CATSPERD: variants seen among roughly 807,000 people sequenced by gnomAD.
CATSPERD encodes the protein cation channel sperm-associated auxiliary subunit delta.
In CATSPERD, 86 loss-of-function variants were observed where a neutral mutation model predicts 98.1. That is an observed-to-expected ratio of 0.88 (90% CI 0.74 to 1.05). CATSPERD has a LOEUF of 1.05. CATSPERD is among the 50% of genes least tolerant of loss of function. The pLI, the probability that CATSPERD is intolerant of heterozygous loss-of-function variation, is 0.00. For synonymous variants in CATSPERD, 394 were observed against 390.2 expected, an observed-to-expected ratio of 1.01 and a Z score of -0.12; for missense variants, 995 against 1,005.7, an observed-to-expected ratio of 0.99 and a Z score of 0.14.
rs754682545 is a variant in CATSPERD at position 5,720,999 on chromosome 19, C to CTTTT, written c.71+205_71+208dup. On this transcript the variant is annotated intron_variant, in intron 1 of 21. Transcript: ENST00000381624. ...AGCCCGATATTAAGCTCTCCTACCT[C>CTTTT]TTTTTTTTTTTTTTTTTGAGACGGA... is the stretch of plus-strand genomic sequence containing the variant. 2.2e-5 allele frequency among the ~76,000 whole-genome samples: 3 copies of CTTTT among 138,760 alleles called. 1 individual carries two copies. Among genetic ancestry groups the CTTTT allele is most frequent in the Admixed American group, 7.3e-5 (1 of 13,706 alleles). 91.0% of individuals were successfully genotyped at this position (138,760 alleles called of 152,430 possible).
At chr19:5,766,631 C>A (rs1477320475) in intron 17 of CATSPERD, among the ~76,000 whole-genome samples, 1 of 151,940 alleles carries the variant, frequency 6.6e-6, no homozygotes, top group Non-Finnish European at 1.5e-5. Flanking sequence ...AAATGATTCA[C>A]CCTAATAGGT....
chr19:5,741,799 T>TGGGGGG (rs1421382557), intron 7 of CATSPERD, among the ~76,000 whole-genome samples: 2 of 15,494 alleles, frequency 1.3e-4, no homozygotes, highest in South Asian at 2.8e-3. Flanking sequence ...GGGGGGGGGG[T>TGGGGGG]GGTGTGGATC....
At chr19:5,724,183 C>T (rs1184689111) in intron 1 of CATSPERD, among the ~76,000 whole-genome samples, 1 of 151,950 alleles carries the variant, frequency 6.6e-6, no homozygotes, top group Non-Finnish European at 1.5e-5. Context: ...ACCTTGACCT[C>T]CCAAAGCGCT....
intron 20 of CATSPERD, among the ~76,000 whole-genome samples, chr19:5,775,593 A>G (rs1273907699): frequency 1.3e-5 from 2 of 149,480 alleles, no homozygotes; most frequent in Admixed American, 6.7e-5. Context: ...AGCTTGCAGT[A>G]AGCCGAGATC....
intron 21 of CATSPERD, among the ~76,000 whole-genome samples, chr19:5,776,546 C>G (rs923852832): frequency 1.3e-5 from 2 of 152,216 alleles, no homozygotes; most frequent in Admixed American, 1.3e-4. Flanking sequence ...TGACCAGAGG[C>G]TGTGCCGCTG....
chr19:5,766,127 G>T lies in CATSPERD; in HGVS notation c.1531G>T (p.Asp511Tyr). Residue 511 changes from aspartate to tyrosine, a missense_variant, in exon 17 of 22, where the codon GAC becomes TAC. Around this residue, in one of 3 missense-constraint regions of CATSPERD, gnomAD observed 762 missense variants for 773.7 expected, o/e 0.98. Transcript: ENST00000381624. ...PLSTLISVGC[D>Y]LDKKIVIQNK... ...GTCGACACTGATTTCAGTTGGCTGC[G>T]ACCTGGATAAAAAGATCGTCATCCA... 5 of 1,612,942 alleles carry T rather than the reference G, an allele frequency of 3.1e-6. No individual in the cohort carries two copies. The highest frequency in any genetic ancestry group is 4.2e-6 in the Non-Finnish European group (5 of 1,179,518).
chr19:5,724,946 G>T, intron 2 of CATSPERD, 84 bp downstream of exon 2: 1 of 1,271,468 alleles, frequency 7.9e-7, no homozygotes, highest in Non-Finnish European at 1.2e-6. Flanking sequence ...TTTCTTGGGT[G>T]CCCGTGTTGT....
intron 10 of CATSPERD, 115 bp downstream of exon 10, chr19:5,748,370 C>G: frequency 1.1e-6 from 1 of 937,780 alleles, no homozygotes; most frequent in South Asian, 1.3e-5. Flanking sequence ...GTGGCTCATG[C>G]CTGTAATTCC....
At position 5,757,084 on chromosome 19, in the gene CATSPERD, T is replaced by G. The variant is rs142024261; in HGVS notation, c.1279-759T>G. Among the ~76,000 whole-genome samples the G allele has an allele frequency of 7.2e-3, 1,098 of 152,054 alleles. 18 individuals are homozygous for G. Among genetic ancestry groups the G allele is most frequent in the African/African-American group, 0.025 (1,043 of 41,490 alleles). ...GGCCAATATGGTGAAACCCCATCTC[T>G]GCTAAAAATACAAAAATTAGCTGGG... On this transcript the variant is annotated intron_variant, in intron 13 of 21. Transcript: ENST00000381624.
At chr19:5,746,515 G>A (rs963522924) in intron 9 of CATSPERD, among the ~76,000 whole-genome samples, 5 of 151,856 alleles carry the variant, frequency 3.3e-5, no homozygotes, top group Admixed American at 2.6e-4. Flanking sequence ...TGCAAGCTCC[G>A]CCTCCCGGGT....
At chr19:5,761,767 A>T (rs1270303024) in intron 15 of CATSPERD, among the ~76,000 whole-genome samples, 1 of 150,828 alleles carries the variant, frequency 6.6e-6, no homozygotes. Context: ...CAATGGCACG[A>T]TCTCGGCTCA....
At chr19:5,753,979 T>G (rs539670452) in intron 12 of CATSPERD, among the ~76,000 whole-genome samples, 153 bp from the exon 13 acceptor site, 49 of 152,134 alleles carry the variant, frequency 3.2e-4, no homozygotes, top group Non-Finnish European at 5.6e-4. Context: ...CTCGAGACCC[T>G]TCTGGAAATA....
chr19:5,729,858 A>T lies in CATSPERD; in HGVS notation c.204-14A>T. ...GACATTATCCTAATTTAACTTATTT[A>T]TTGTTTATTTCAGGAAACAAGTTTT... On this transcript the variant is annotated splice_polypyrimidine_tract_variant and intron_variant, in intron 3 of 21. Coordinates refer to ENST00000381624, the MANE Select transcript of CATSPERD (RefSeq NM_152784.4). The T allele has an allele frequency of 6.8e-7, 1 of 1,478,984 alleles. No homozygotes were observed. The highest frequency in any genetic ancestry group is 9.4e-7 in the Non-Finnish European group (1 of 1,065,722). The allele number at this position is 1,478,984 out of a possible 1,614,324, so 91.6% of individuals were successfully genotyped here.
At chr19:5,748,728 C>CTTTTTTTTT (rs527796326) in intron 10 of CATSPERD, among the ~76,000 whole-genome samples, 11 of 94,094 alleles carry the variant, frequency 1.2e-4, no homozygotes, top group East Asian at 6.9e-4. Context: ...TCATATTATT[C>CTTTTTTTTT]TTTTTTTTTT....
intron 20 of CATSPERD, 134 bp from the exon 21 acceptor site, chr19:5,776,027 A>G: frequency 1.1e-6 from 1 of 890,256 alleles, no homozygotes; most frequent in South Asian, 1.7e-5. Flanking sequence ...CACCATGGGC[A>G]CTTGGCCCCA....
rs1371236993 is a variant in CATSPERD, at chr19:5,778,566, T to C, written c.2287T>C (p.Cys763Arg). 15 of 1,613,668 alleles carry C rather than the reference T, an allele frequency of 9.3e-6. No individual in the cohort carries two copies. The highest frequency in any genetic ancestry group is 1.7e-5 in the Admixed American group (1 of 59,968). Residue 763 changes from cysteine to arginine, a missense_variant, in exon 22 of 22, where the codon TGT becomes CGT. Physicochemically the swap from Cys to Arg is radical, Grantham distance 180. Coordinates refer to ENST00000381624, the MANE Select transcript of CATSPERD (RefSeq NM_152784.4). ...GATCAAGAAGTGTGCGACACAGCTGTGTAGGAGATGCAAGACGGTCTGCCA... is the reference window on the plus strand; with the variant it reads ...GATCAAGAAGTGTGCGACACAGCTGCGTAGGAGATGCAAGACGGTCTGCCA... Reference protein sequence around the residue: ...RRIKKCATQLCRRCKTVCQFR... With the variant: ...RRIKKCATQLRRRCKTVCQFR...
Position 5,748,197 on chromosome 19 carries a change from C to A in CATSPERD, c.846C>A (p.Asp282Glu), listed in dbSNP as rs201831364. ...ACACCGTCCGGGTGAAAAAAGGAGA[C>A]CAGACCTTGTTTTCTTCCATTTTTG... is the stretch of plus-strand genomic sequence containing the variant. Reference protein sequence around the residue: ...LVDTVRVKKGDQTLFSSIFEA... With the variant: ...LVDTVRVKKGEQTLFSSIFEA... The change falls in exon 10 of 22, where the codon GAC becomes GAA. Residue 282 changes from aspartate to glutamate, a missense_variant. Transcript: ENST00000381624. The A allele has an allele frequency of 1.0e-4, 165 of 1,613,948 alleles. No individual in the cohort carries two copies. The highest frequency in any genetic ancestry group is 1.5e-4 in the Admixed American group (9 of 59,938).
In CATSPERD at chr19:5,723,458, A is replaced by ATT. The variant is rs773822808; in HGVS notation, c.72-1327_72-1326dup. ...AGGCGCCCGCCACCCTGCCCAGCTA[A>ATT]TTTTTTTTTTTTTTTTTTTTTTTTG... is the stretch of plus-strand genomic sequence containing the variant. On this transcript the variant is annotated intron_variant, in intron 1 of 21. Transcript: ENST00000381624. 9.1e-3 allele frequency among the ~76,000 whole-genome samples: 831 copies of ATT among 90,864 alleles called. 7 individuals are homozygous for ATT. Among genetic ancestry groups the ATT allele is most frequent in the South Asian group, 0.013 (26 of 1,970 alleles). The allele number at this position is 90,864 out of a possible 152,430, so 59.6% of individuals were successfully genotyped here.
At chr19:5,730,238 T>C (rs941291975) in intron 4 of CATSPERD, among the ~76,000 whole-genome samples, 11 of 152,198 alleles carry the variant, frequency 7.2e-5, no homozygotes, top group African/African-American at 2.6e-4. Context: ...TCTTACTTTA[T>C]ATGCAGTAAT....
Sources: allele counts gnomAD v4.1 joint callset (sites outside exome capture counted in the v4.1 genomes callset), GRCh38; gene constraint gnomAD v4.1.1; regional missense constraint gnomAD v4.1.1; transcripts MANE v1.5; gene names NCBI Gene and HGNC (gene_info 2026-07-23, HGNC 2026-07-21).